The following CACNA1H variants were observed in gnomAD, a reference collection of about 807,000 sequenced individuals.
The protein encoded by CACNA1H is voltage-dependent T-type calcium channel subunit alpha-1H.
CACNA1H carries 149 observed loss-of-function variants against 192.5 expected under a neutral mutation model. That is an observed-to-expected ratio of 0.77 (90% CI 0.68 to 0.89). The LOEUF (loss-of-function observed/expected upper bound fraction) is 0.89, where lower values mean the gene tolerates loss of function less well. Ranked by LOEUF, CACNA1H falls within the 40% of genes least tolerant of loss-of-function variation. The pLI, the probability that CACNA1H is intolerant of heterozygous loss-of-function variation, is 0.00. For missense variants in CACNA1H, 4,257 were observed against 3,423.5 expected (o/e 1.24, Z -6.08); for synonymous variants, 2,202 against 1,475.2 (o/e 1.49, Z -11.29).
At chr16:1,213,737 G>C in intron 26 of CACNA1H, 43 bp from the exon 27 acceptor site, 1 of 1,461,736 alleles carries the variant, frequency 6.8e-7, no homozygotes, top group South Asian at 1.4e-5. Context: ...CAGGAGCGCC[G>C]GGCGGCCCTC....
At chr16:1,219,744 C>T (rs927891233) in intron 34 of CACNA1H, among the ~76,000 whole-genome samples, 2 of 151,950 alleles carry the variant, frequency 1.3e-5, no homozygotes, top group African/African-American at 4.8e-5. Context: ...GGGGCCATGG[C>T]ATCTCTGCCC....
At chr16:1,178,318 C>T (rs1019514062) in intron 2 of CACNA1H, among the ~76,000 whole-genome samples, 8 of 146,756 alleles carry the variant, frequency 5.5e-5, no homozygotes, top group African/African-American at 2.0e-4. Flanking sequence ...CCTCCCCAGC[C>T]GCCTCATTTA....
chr16:1,198,102 C>T (rs1252831301), intron 5 of CACNA1H, among the ~76,000 whole-genome samples: 4 of 152,066 alleles, frequency 2.6e-5, no homozygotes, highest in South Asian at 4.1e-4. Flanking sequence ...CTGCAGAGAC[C>T]CCCAGGAGGC....
Position 1,215,627 on chromosome 16 carries a change from C to G in CACNA1H, c.5244+34C>G, listed in dbSNP as rs770974863. On this transcript the variant is annotated intron_variant, in intron 30 of 34. Coordinates refer to ENST00000348261, the MANE Select transcript of CACNA1H (RefSeq NM_021098.3). The stretch of plus-strand genomic sequence containing the variant: ...AGCCCGCGCCATCCTCAGCGCAGGC[C>G]CCCGGAAGACGGGGTTGCAGGGAGC... The G allele has an allele frequency of 8.2e-6, 13 of 1,577,952 alleles. No homozygotes were observed. The African/African-American group carries it at 1.8e-4, about 21-fold the overall frequency.
rs556809536 is a variant in CACNA1H, at chr16:1,153,705, C to T, written c.-18-15C>T. ...GCGTCGCCACCGGCCCCGGGTCACC[C>T]CCTGTCCTCTGCAGGTGCTGCCGGC... On this transcript the variant is annotated splice_polypyrimidine_tract_variant and intron_variant, in intron 1 of 34. Coordinates refer to ENST00000348261, the MANE Select transcript of CACNA1H (RefSeq NM_021098.3). The T allele has an allele frequency of 6.4e-4, 768 of 1,195,124 alleles. 3 individuals carry two copies. The African/African-American group carries it at 0.01, about 16-fold the overall frequency. The allele number at this position is 1,195,124 out of a possible 1,614,324, so 74.0% of individuals were successfully genotyped here.
At chr16:1,166,586 C>T (rs537876882) in intron 2 of CACNA1H, among the ~76,000 whole-genome samples, 8 of 152,284 alleles carry the variant, frequency 5.3e-5, no homozygotes, top group South Asian at 2.1e-4. Flanking sequence ...ATGCTTTCCT[C>T]GCCCCGAGAG....
intron 2 of CACNA1H, among the ~76,000 whole-genome samples, chr16:1,188,407 A>G (rs558807240): frequency 3.0e-4 from 46 of 152,162 alleles, no homozygotes; most frequent in Middle Eastern, 6.8e-3. Flanking sequence ...CTCAGTCGGC[A>G]CTGTTTGGGG....
At chr16:1,160,362 T>G (rs1963034485) in intron 2 of CACNA1H, among the ~76,000 whole-genome samples, 1 of 152,156 alleles carries the variant, frequency 6.6e-6, no homozygotes, top group Non-Finnish European at 1.5e-5. Context: ...CCACTCACCC[T>G]GGGCAGATAC....
At chr16:1,189,875 C>G (rs1966445394) in intron 2 of CACNA1H, among the ~76,000 whole-genome samples, 1 of 152,342 alleles carries the variant, frequency 6.6e-6, no homozygotes, top group South Asian at 2.1e-4. Context: ...CGTTACGAGC[C>G]CCTGGCTCGT....
rs1967689942 is a variant in CACNA1H at position 1,200,326 on chromosome 16, T to A, written c.874T>A (p.Ser292Thr). ...GGGCGAGGAGAACCCGTTCATCTGC[T>A]CCTCACGCCGAGACAACGGCATGCA... Reference protein sequence around the residue: ...EEGEENPFICSSRRDNGMQKC... With the variant: ...EEGEENPFICTSRRDNGMQKC... Residue 292 changes from serine to threonine, a missense_variant, in exon 7 of 35, where the codon TCC becomes ACC. Ser to Thr is a moderately conservative substitution (Grantham distance 58). Transcript: ENST00000348261. 1.2e-6 allele frequency: 2 copies of A among 1,604,298 alleles called. No homozygotes were observed. Among genetic ancestry groups the A allele is most frequent in the Admixed American group, 3.4e-5 (2 of 59,122 alleles).
chr16:1,194,787 C>T (rs1311776661), intron 2 of CACNA1H, among the ~76,000 whole-genome samples, 185 bp from the exon 3 acceptor site: 2 of 152,148 alleles, frequency 1.3e-5, no homozygotes, highest in African/African-American at 2.4e-5. Flanking sequence ...GCGCAGGCCC[C>T]AGGCGCCACC....
chr16:1,170,053 C>T (rs1415934360), intron 2 of CACNA1H, among the ~76,000 whole-genome samples: 2 of 152,206 alleles, frequency 1.3e-5, no homozygotes, highest in South Asian at 2.1e-4. Flanking sequence ...TGGGCTGAGC[C>T]CCCCTCCCCC....
intron 29 of CACNA1H, 53 bp from the exon 30 acceptor site, chr16:1,215,470 G>A (rs536832957): frequency 3.3e-4 from 527 of 1,593,700 alleles, no homozygotes; most frequent in East Asian, 1.1e-3. Context: ...CAGGGTCCCC[G>A]CGCAGCAGGG....
rs534113972 is a variant in CACNA1H, at chr16:1,167,580, C to A, written c.299+13544C>A. Among the ~76,000 whole-genome samples, 1 of 152,220 alleles carries A rather than the reference C, an allele frequency of 6.6e-6. No individual in the cohort carries two copies. The highest frequency in any genetic ancestry group is 2.4e-5 in the African/African-American group (1 of 41,458). On this transcript the variant is annotated intron_variant, in intron 2 of 34. Coordinates refer to ENST00000348261, the MANE Select transcript of CACNA1H (RefSeq NM_021098.3). This position sits in a 1 kb window ranked among gnomAD's most constrained non-coding sequence, Gnocchi z 4.2. The stretch of plus-strand genomic sequence containing the variant: ...AAGGCTGGAGCCACACTCCTCACCG[C>A]GGCGGTGCCACTAATGGGGTTGCCG...
At chr16:1,154,151 C>G (rs1408865718) in intron 2 of CACNA1H, 115 bp downstream of exon 2, 16 of 807,496 alleles carry the variant, frequency 2.0e-5, no homozygotes, top group Non-Finnish European at 2.3e-5. Context: ...TGGGACCTGG[C>G]GTGGGCCGGG....
At chr16:1,214,829 C>T in intron 27 of CACNA1H, 143 bp from the exon 28 acceptor site, 1 of 634,722 alleles carries the variant, frequency 1.6e-6, no homozygotes, top group South Asian at 1.8e-5. Context: ...GAAGAGGCTC[C>T]CGGTGCCCAG....
Position 1,195,363 on chromosome 16 carries a change from G to C in CACNA1H, c.412-69G>C. On this transcript the variant is annotated intron_variant, in intron 3 of 34. Coordinates refer to ENST00000348261, the MANE Select transcript of CACNA1H (RefSeq NM_021098.3). The stretch of plus-strand genomic sequence containing the variant: ...CAAGACTGGGGGCCGGGCTCTTGCG[G>C]GGCTGGGGTTGGGGGTTGTGGGCTG... The C allele has an allele frequency of 1.9e-6, 3 of 1,542,230 alleles. No individual in the cohort carries two copies. The South Asian group carries it at 3.6e-5, about 18-fold the overall frequency.
chr16:1,210,351 C>T lies in CACNA1H; in HGVS notation c.3846-19C>T, dbSNP rs760803153. On this transcript the variant is annotated intron_variant, in intron 18 of 34. Transcript: ENST00000348261. Reference sequence around the variant, plus strand: ...CCACGCCGCCCCGCCCCACCTCTCACCCGCCCCCGCCCACCCAGGTTCCGC... The same window carrying T: ...CCACGCCGCCCCGCCCCACCTCTCATCCGCCCCCGCCCACCCAGGTTCCGC... 5 of 776,382 alleles carry T rather than the reference C, an allele frequency of 6.4e-6. No homozygotes were observed. Among genetic ancestry groups the T allele is most frequent in the East Asian group, 6.0e-5 (2 of 33,484 alleles). 48.1% of individuals were successfully genotyped at this position (776,382 alleles called of 1,614,324 possible). A position where few individuals can be genotyped will look rare whatever the true frequency, so the allele number is the denominator to read the frequency against.
chr16:1,156,637 C>G (rs1962440119), intron 2 of CACNA1H, among the ~76,000 whole-genome samples: 1 of 152,130 alleles, frequency 6.6e-6, no homozygotes, highest in African/African-American at 2.4e-5. Context: ...CCCCGCATCC[C>G]TCCTGAAGAG....
Sources: gnomAD v4.1 joint callset for allele counts (sites outside exome capture counted in the v4.1 genomes callset) on GRCh38, gnomAD v4.1.1 for gene constraint, Gnocchi (gnomAD v3.1) non-coding constraint, MANE v1.5 for transcripts, NCBI Gene and HGNC (gene_info 2026-07-23, HGNC 2026-07-21) for gene names.